The following GLI3 variants were observed in gnomAD, a reference collection of about 807,000 sequenced individuals.
GLI3 encodes transcription activator GLI3.
In GLI3, 20 loss-of-function variants were observed where a neutral mutation model predicts 100.8. The observed-to-expected ratio is 0.20, with a 90% CI of 0.14 to 0.29. GLI3 has a LOEUF of 0.29. Ranked by LOEUF, GLI3 falls within the 10% of genes least tolerant of loss-of-function variation. GLI3 has a pLI of 1.00. For synonymous variants in GLI3, 938 were observed against 860.5 expected, an observed-to-expected ratio of 1.09 and a Z score of -1.58; for missense variants, 2,040 against 2,128.5, an observed-to-expected ratio of 0.96 and a Z score of 0.82.
At chr7:42,126,363 T>C (rs1454818365) in intron 3 of GLI3, among the ~76,000 whole-genome samples, 1 of 143,266 alleles carries the variant, frequency 7.0e-6, no homozygotes, top group Non-Finnish European at 1.5e-5. Context: ...TCATACTGAG[T>C]GAAATTGTAA....
chr7:42,159,085 T>C (rs2128792680), intron 2 of GLI3, among the ~76,000 whole-genome samples: 1 of 152,232 alleles, frequency 6.6e-6, no homozygotes, highest in Middle Eastern at 3.4e-3. Flanking sequence ...CACCTCCCCA[T>C]TTCTATAGGG....
chr7:42,080,887 G>A (rs1389702605), intron 3 of GLI3, among the ~76,000 whole-genome samples: 4 of 152,140 alleles, frequency 2.6e-5, no homozygotes, highest in African/African-American at 7.2e-5. Context: ...CGCCAGAGCC[G>A]CCATAATTAC....
intron 13 of GLI3, among the ~76,000 whole-genome samples, chr7:41,968,713 G>GAAGA (rs1231824406): frequency 3.7e-4 from 35 of 93,972 alleles, no homozygotes; most frequent in South Asian, 8.5e-4. Flanking sequence ...AAGAAAGAAA[G>GAAGA]AAGAAAGAAA....
chr7:42,209,680 G>A (rs1788223353), intron 2 of GLI3, among the ~76,000 whole-genome samples: 2 of 152,108 alleles, frequency 1.3e-5, no homozygotes, highest in South Asian at 2.1e-4. Context: ...CACAGATAAA[G>A]TGATGTGCAG....
At chr7:42,069,097 G>A (rs527660552) in intron 4 of GLI3, among the ~76,000 whole-genome samples, 1 of 152,136 alleles carries the variant, frequency 6.6e-6, no homozygotes, top group East Asian at 1.9e-4. Context: ...TTCAGTGAAC[G>A]TGAATACCTC....
intron 2 of GLI3, among the ~76,000 whole-genome samples, chr7:42,193,004 A>G (rs971931078): frequency 1.3e-5 from 2 of 152,206 alleles, no homozygotes; most frequent in African/African-American, 4.8e-5. Flanking sequence ...AGAGACTGCA[A>G]TCCAGGGCTT....
chr7:42,129,193 C>T (rs1017343924), intron 3 of GLI3, among the ~76,000 whole-genome samples: 3 of 152,144 alleles, frequency 2.0e-5, no homozygotes, highest in East Asian at 1.9e-4. Context: ...ATCCTCAAAA[C>T]GAACCCATGA....
chr7:42,101,123 TA>T (rs1785451414), intron 3 of GLI3, among the ~76,000 whole-genome samples: 1 of 152,082 alleles, frequency 6.6e-6, no homozygotes, highest in Non-Finnish European at 1.5e-5. Context: ...GGAGTAGCAG[TA>T]AATATTGACA....
At chr7:42,170,283 T>TACAC (rs1465267826) in intron 2 of GLI3, among the ~76,000 whole-genome samples, 15 of 145,844 alleles carry the variant, frequency 1.0e-4, no homozygotes, top group East Asian at 6.1e-4. Context: ...TATATATATA[T>TACAC]ATATACACAC....
At chr7:42,195,202 C>A (rs1302950911) in intron 2 of GLI3, among the ~76,000 whole-genome samples, 1 of 152,202 alleles carries the variant, frequency 6.6e-6, no homozygotes, top group Non-Finnish European at 1.5e-5. Flanking sequence ...ATTACATACA[C>A]TGTAGCTTGA....
chr7:42,065,137 T>C (rs1467112781), intron 4 of GLI3, among the ~76,000 whole-genome samples: 1 of 151,232 alleles, frequency 6.6e-6, no homozygotes, highest in African/African-American at 2.4e-5. Context: ...CCTGACAAAC[T>C]TTTTGGTCCT....
intron 10 of GLI3, among the ~76,000 whole-genome samples, chr7:41,994,918 T>G (rs1453416856): frequency 3.9e-5 from 6 of 152,242 alleles, no homozygotes. Flanking sequence ...ACATTGCATG[T>G]GAACAGAATA....
intron 10 of GLI3, among the ~76,000 whole-genome samples, chr7:42,005,453 T>TCACA (rs1202320829): frequency 5.0e-5 from 3 of 60,282 alleles, no homozygotes; most frequent in African/African-American, 9.0e-5. Context: ...TATCCTGAAT[T>TCACA]CACATACACA....
intron 3 of GLI3, among the ~76,000 whole-genome samples, chr7:42,104,348 C>A (rs1219610724): frequency 6.6e-6 from 1 of 152,184 alleles, no homozygotes; most frequent in Admixed American, 6.5e-5. Context: ...GACATCTGCA[C>A]CCTCCAGCCT....
At chr7:42,201,996 C>T (rs1344990387) in intron 2 of GLI3, among the ~76,000 whole-genome samples, 5 of 149,816 alleles carry the variant, frequency 3.3e-5, no homozygotes, top group Non-Finnish European at 7.4e-5. Context: ...GCAGGAGAAT[C>T]GCTTGAACCC....
intron 10 of GLI3, among the ~76,000 whole-genome samples, chr7:41,987,119 CA>C (rs1188219111): frequency 6.6e-6 from 1 of 151,814 alleles, no homozygotes; most frequent in Non-Finnish European, 1.5e-5. Context: ...CACACACACA[CA>C]CACACACACA....
rs1003879310 is a variant in GLI3, at chr7:41,964,421, G to C, written c.4652C>G (p.Ser1551Cys). Residue 1551 changes from serine (S) to cysteine (C), a missense_variant, in exon 15 of 15, where the codon TCC (serine) becomes TGC (cysteine). By Grantham distance (112) the Ser-to-Cys change is moderately radical (BLOSUM62 -1). Around this residue, in one of 5 missense-constraint regions of GLI3, gnomAD observed 1,041 missense variants for 924.0 expected, o/e 1.13. Coordinates refer to ENST00000395925, the MANE Select transcript of GLI3 (RefSeq NM_000168.6). ...GATAGCCATGTTGGTGGTGCTCATG[G>C]ACAGCGCTGGGAATGGGAGGGACGC... Reference protein sequence around the residue: ...PRASLPFPALSMSTTNMAIGD... With the variant: ...PRASLPFPALCMSTTNMAIGD... 3.1e-6 allele frequency: 5 copies of C among 1,613,994 alleles called. No homozygotes were observed. In the African/African-American group the frequency reaches 6.7e-5, roughly 22 times the overall value.
chr7:42,212,090 G>A (rs112576798), intron 2 of GLI3, among the ~76,000 whole-genome samples: 10 of 152,224 alleles, frequency 6.6e-5, no homozygotes, highest in African/African-American at 2.4e-4. Flanking sequence ...GAGACATCTC[G>A]CTCTTTCTCT....
chr7:42,107,617 G>A lies in GLI3; in HGVS notation c.368-30760C>T, dbSNP rs539786352. 2.0e-5 allele frequency among the ~76,000 whole-genome samples: 3 copies of A among 152,302 alleles called. No individual in the cohort carries two copies. The South Asian group carries it at 6.2e-4, about 32-fold the overall frequency. Reference sequence around the variant, plus strand: ...CAGGAGCTGGCAGATGAGAAAAGTGGAGGGAAGGTGGCTCTCTTCCAGGGT... The same window carrying A: ...CAGGAGCTGGCAGATGAGAAAAGTGAAGGGAAGGTGGCTCTCTTCCAGGGT... On this transcript the variant is annotated intron_variant, in intron 3 of 14. Transcript: ENST00000395925.
Sources: gnomAD v4.1 joint callset for allele counts (sites outside exome capture counted in the v4.1 genomes callset) on GRCh38, gnomAD v4.1.1 for gene constraint, gnomAD v4.1.1 regional missense constraint, MANE v1.5 for transcripts, NCBI Gene and HGNC (gene_info 2026-07-23, HGNC 2026-07-21) for gene names.